GPR84: variants seen among roughly 807,000 people sequenced by gnomAD.
The protein encoded by GPR84 is G-protein coupled receptor 84.
GPR84 carries 8 observed loss-of-function variants against 14.9 expected under a neutral mutation model. The observed-to-expected ratio is 0.54, with a 90% CI of 0.31 to 0.97. GPR84 has a LOEUF of 0.97. Ranked by LOEUF, GPR84 falls within the 50% of genes least tolerant of loss-of-function variation. GPR84 has a pLI of 0.04. For missense variants in GPR84, 424 were observed against 498.7 expected, an observed-to-expected ratio of 0.85 and a Z score of 1.43; for synonymous variants, 164 against 198.1, an observed-to-expected ratio of 0.83 and a Z score of 1.45.
chr12:54,359,288 C>T (rs1333078441), downstream of GPR84, among the ~76,000 whole-genome samples: 2 of 152,082 alleles, frequency 1.3e-5, no homozygotes, highest in Non-Finnish European at 1.5e-5. Flanking sequence ...CAATGAGAGG[C>T]GGCGTTAAAT....
At chr12:54,355,744 C>T in the GPR84 span, among the ~76,000 whole-genome samples, 8 of 152,298 alleles carry the variant, frequency 5.3e-5, no homozygotes, top group South Asian at 1.7e-3. Flanking sequence ...GAGACAAAGA[C>T]AGGATTTATC....
In GPR84 at chr12:54,363,171, C is replaced by T; in HGVS notation, c.681G>A (p.Val227=). 6.2e-7 allele frequency: 1 copy of T among 1,614,196 alleles called. No homozygotes were observed. Among genetic ancestry groups the T allele is most frequent in the South Asian group, 1.1e-5 (1 of 91,078 alleles). The stretch of plus-strand genomic sequence containing the variant: ...CAGGCATGGCCTCATCAGTCCTGGC[C>T]ACATGGTTGGAGTGGATGCTTGCCT... ...LRQASIHSNH[V]ARTDEAMPGR... The change falls in exon 2 of 2, where the codon GTG becomes GTA. Residue 227 remains valine (V), a synonymous_variant. Transcript: ENST00000267015.
downstream of GPR84, among the ~76,000 whole-genome samples, chr12:54,362,090 C>T (rs964370980): frequency 3.9e-5 from 6 of 152,194 alleles, no homozygotes; most frequent in African/African-American, 1.4e-4. The surrounding 1 kb of genome is among the most constrained non-coding windows in gnomAD (Gnocchi z 4.0). Context: ...GTAGGGATGG[C>T]GGATCCTGGC....
Position 54,363,696 on chromosome 12 carries a change from A to G in GPR84, c.156T>C (p.Arg52=), listed in dbSNP as rs754025703. 3.2e-5 allele frequency: 51 copies of G among 1,613,948 alleles called. No homozygotes were observed. Among genetic ancestry groups the G allele is most frequent in the Non-Finnish European group, 4.2e-5 (50 of 1,179,998 alleles). The change falls in exon 2 of 2, where the codon CGT becomes CGC. Residue 52 remains arginine, a synonymous_variant. Coordinates refer to ENST00000267015, the MANE Select transcript of GPR84 (RefSeq NM_020370.3). ...TGGCTATGAGCAGGTTGAATCGGGT[A>G]CGGAGCTTGGGCTGGATGGCCAAGG... ...LLALAIQPKL[R]TRFNLLIANL...
chr12:54,359,620 G>C (rs114050121), downstream of GPR84, among the ~76,000 whole-genome samples: 1 of 152,118 alleles, frequency 6.6e-6, no homozygotes, highest in Non-Finnish European at 1.5e-5. Context: ...CAGAGATAAA[G>C]AGACAAAGAG....
chr12:54,358,087 C>A (rs1483425340), downstream of GPR84, among the ~76,000 whole-genome samples: 1 of 152,050 alleles, frequency 6.6e-6, no homozygotes, highest in Non-Finnish European at 1.5e-5. Context: ...AAAATAGGAG[C>A]CCCCAGCTGC....
chr12:54,355,172 A>G, the GPR84 span, among the ~76,000 whole-genome samples: 2 of 152,170 alleles, frequency 1.3e-5, no homozygotes, highest in Non-Finnish European at 1.5e-5. Context: ...TGGGAGAATG[A>G]GAGACACAAA....
downstream of GPR84, among the ~76,000 whole-genome samples, chr12:54,360,279 AAT>A (rs1954255614): frequency 7.2e-5 from 11 of 152,184 alleles, no homozygotes; most frequent in South Asian, 2.3e-3. Flanking sequence ...AAGAAATTAT[AAT>A]AGATACTTCA....
the GPR84 span, among the ~76,000 whole-genome samples, chr12:54,355,524 A>G: frequency 2.6e-5 from 4 of 152,154 alleles, no homozygotes; most frequent in South Asian, 8.3e-4. Context: ...CAACTCGGCA[A>G]TCCTGGCTTT....
At chr12:54,359,470 A>G (rs139492041), downstream of GPR84, among the ~76,000 whole-genome samples, 1 of 60 alleles carries the variant, frequency 0.017, no homozygotes, top group Non-Finnish European at 0.033. Flanking sequence ...AGCTTAGGAG[A>G]AAAAAAAAGG....
In GPR84 at chr12:54,363,350, A is replaced by G. The variant is rs1234601296; in HGVS notation, c.502T>C (p.Cys168Arg). The G allele has an allele frequency of 6.2e-7, 1 of 1,614,180 alleles. No individual in the cohort carries two copies. Among genetic ancestry groups the G allele is most frequent in the Non-Finnish European group, 8.5e-7 (1 of 1,180,016 alleles). ...CGGCCTCGGATGCGGTCAAAGCTGCAGGTGCAGACTACAGGTACCAGGATA... is the reference window on the plus strand; with the variant it reads ...CGGCCTCGGATGCGGTCAAAGCTGCGGGTGCAGACTACAGGTACCAGGATA... ...IYILVPVVCT[C>R]SFDRIRGRPY... The change falls in exon 2 of 2, where the codon TGC becomes CGC. Residue 168 changes from cysteine (C) to arginine (R), a missense_variant. Coordinates refer to ENST00000267015, the MANE Select transcript of GPR84 (RefSeq NM_020370.3).
downstream of GPR84, among the ~76,000 whole-genome samples, chr12:54,358,388 G>GGCAC (rs1443175879): frequency 6.6e-6 from 1 of 151,936 alleles, no homozygotes. Flanking sequence ...CTTCTCTCAC[G>GGCAC]GCACCTTTCC....
chr12:54,363,624 GAA>G lies in GPR84; in HGVS notation c.226_227del (p.Phe76LeufsTer50). Reference protein sequence around the residue: ...DLLYCTLLQPFSVDTYLHLHW... With the variant: ...DLLYCTLLQPXSVDTYLHLHW... ...GCAGGTGGAGGTAGGTGTCCACAGA[GAA>G]GGGCTGAAGGAGCGTGCAGTAGAGG... is the stretch of plus-strand genomic sequence containing the variant. On this transcript the variant is annotated frameshift_variant, in exon 2 of 2. Coordinates refer to ENST00000267015, the MANE Select transcript of GPR84 (RefSeq NM_020370.3). LOFTEE classifies it high-confidence loss of function. The G allele has an allele frequency of 6.2e-7, 1 of 1,614,024 alleles. No individual in the cohort carries two copies. Among genetic ancestry groups the G allele is most frequent in the Non-Finnish European group, 8.5e-7 (1 of 1,179,898 alleles).
downstream of GPR84, among the ~76,000 whole-genome samples, chr12:54,362,152 G>C (rs1026892115): frequency 1.3e-5 from 2 of 152,182 alleles, no homozygotes; most frequent in African/African-American, 4.8e-5. The surrounding 1 kb of genome is among the most constrained non-coding windows in gnomAD (Gnocchi z 4.0). Context: ...AAAAAGGCAG[G>C]CTAATCCTCT....
At chr12:54,355,940 GAA>G in the GPR84 span, among the ~76,000 whole-genome samples, 1 of 152,214 alleles carries the variant, frequency 6.6e-6, no homozygotes, top group Non-Finnish European at 1.5e-5. Flanking sequence ...GGAAAACAGA[GAA>G]GAGTATGACC....
At chr12:54,354,457 G>C in the GPR84 span, among the ~76,000 whole-genome samples, 6 of 151,882 alleles carry the variant, frequency 4.0e-5, no homozygotes, top group African/African-American at 1.5e-4. Flanking sequence ...GTTTGAGATG[G>C]AGTCTTGCTC....
At position 54,363,015 on chromosome 12, in the gene GPR84, G is replaced by A; in HGVS notation, c.837C>T (p.Asn279=). The change falls in exon 2 of 2, where the codon AAC becomes AAT. Residue 279 remains asparagine (N), a synonymous_variant. Transcript: ENST00000267015. The part of the protein sequence containing the change: ...GDSSEVGDQI[N]SKRAKQMAEK... ...CTGCCATCTGCTTAGCTCTCTTGCT[G>A]TTGATCTGGTCTCCCACTTCTGATG... 2 of 1,614,182 alleles carry A rather than the reference G, an allele frequency of 1.2e-6. No individual in the cohort carries two copies. Among genetic ancestry groups the A allele is most frequent in the East Asian group, 2.2e-5 (1 of 44,894 alleles).
chr12:54,358,696 C>T (rs115459891), downstream of GPR84, among the ~76,000 whole-genome samples: 1,222 of 152,162 alleles, frequency 8.0e-3, 12 homozygotes, highest in African/African-American at 0.028. Context: ...CCCGTGTGGC[C>T]CCTCAAATGT....
At chr12:54,357,307 A>T in the GPR84 span, among the ~76,000 whole-genome samples, 1 of 152,166 alleles carries the variant, frequency 6.6e-6, no homozygotes, top group African/African-American at 2.4e-5. Flanking sequence ...CTAAGGCCAT[A>T]GCGGTTGGAG....
Sources: allele counts gnomAD v4.1 joint callset (sites outside exome capture counted in the v4.1 genomes callset), GRCh38; gene constraint gnomAD v4.1.1; non-coding constraint Gnocchi (gnomAD v3.1); transcripts MANE v1.5; gene names NCBI Gene and HGNC (gene_info 2026-07-23, HGNC 2026-07-21).